Variants in DNAH7 observed in about 807,000 individuals in gnomAD.
The protein encoded by DNAH7 is axonemal beta dynein heavy chain 7.
DNAH7 carries 397 observed loss-of-function variants against 444.6 expected under a neutral mutation model. That is an observed-to-expected ratio of 0.89 (90% confidence interval 0.82 to 0.97). DNAH7 has a LOEUF of 0.97. DNAH7 is among the 50% of genes least tolerant of loss of function. The probability of loss-of-function intolerance (pLI) is 0.00; values close to 1 mark genes in which losing one functional copy is unlikely to be tolerated. For synonymous variants in DNAH7, 1,636 were observed against 1,624.4 expected, an observed-to-expected ratio of 1.01 and a Z score of -0.17; for missense variants, 4,902 against 4,800.8, an observed-to-expected ratio of 1.02 and a Z score of -0.62.
intron 63 of DNAH7, among the ~76,000 whole-genome samples, chr2:195,753,849 A>G (rs1693934196): frequency 6.6e-6 from 1 of 152,198 alleles, no homozygotes; most frequent in Non-Finnish European, 1.5e-5. Flanking sequence ...GTTAAGCTAT[A>G]GGTTTTGGAA....
At chr2:195,846,949 ATGTG>A (rs35075325) in intron 46 of DNAH7, among the ~76,000 whole-genome samples, 59 of 137,180 alleles carry the variant, frequency 4.3e-4, no homozygotes, top group Middle Eastern at 3.8e-3. Context: ...ACTCCCATAT[ATGTG>A]TGTGTGTGTG....
At chr2:195,998,931 C>A in intron 12 of DNAH7, 1 of 506,200 alleles carries the variant, frequency 2.0e-6, no homozygotes, top group East Asian at 3.0e-5. Context: ...TGAGAGAAAG[C>A]ATGAGTTGAA....
intron 29 of DNAH7, among the ~76,000 whole-genome samples, chr2:195,895,773 T>C (rs893799860): frequency 6.6e-6 from 1 of 152,204 alleles, no homozygotes; most frequent in Non-Finnish European, 1.5e-5. Context: ...TTATTTGCAT[T>C]GTCTAGACTT....
intron 21 of DNAH7, among the ~76,000 whole-genome samples, chr2:195,928,027 G>A (rs72917205): frequency 0.12 from 18,593 of 152,090 alleles, 1,511 homozygotes; most frequent in Middle Eastern, 0.27. Context: ...CACCAAGGTA[G>A]TGAGCATAGT....
chr2:195,844,719 T>C (rs867897983), intron 47 of DNAH7, among the ~76,000 whole-genome samples: 21 of 152,274 alleles, frequency 1.4e-4, no homozygotes, highest in Middle Eastern at 3.4e-3. Context: ...AAATGAAAAT[T>C]TTGGACTTCC....
intron 8 of DNAH7, among the ~76,000 whole-genome samples, chr2:196,020,196 T>C (rs1313228662): frequency 1.3e-5 from 2 of 152,172 alleles, no homozygotes; most frequent in Admixed American, 1.3e-4. Flanking sequence ...GCTGTTTATG[T>C]TATCAGTAAG....
intron 24 of DNAH7, among the ~76,000 whole-genome samples, chr2:195,921,270 C>T (rs1688004364): frequency 6.6e-6 from 1 of 151,868 alleles, no homozygotes; most frequent in African/African-American, 2.4e-5. Context: ...CAAATGTTTA[C>T]AGTAGCACAA....
chr2:195,876,705 T>C lies in DNAH7; in HGVS notation c.5962-6A>G, dbSNP rs1701083408. 2.0e-6 allele frequency: 3 copies of C among 1,525,598 alleles called. No individual in the cohort carries two copies. Among genetic ancestry groups the C allele is most frequent in the Non-Finnish European group, 1.8e-6 (2 of 1,111,446 alleles). 94.5% of individuals were successfully genotyped at this position (1,525,598 alleles called of 1,614,324 possible). A position where few individuals can be genotyped will look rare whatever the true frequency, so the allele number is the denominator to read the frequency against. The stretch of plus-strand genomic sequence containing the variant: ...AGTTGATTTAAAAGAAAATTCTATA[T>C]AACAAAATAATAAAATGAGCCATAG... On this transcript the variant is annotated splice_polypyrimidine_tract_variant and splice_region_variant and intron_variant, in intron 36 of 64. Coordinates refer to ENST00000312428, the MANE Select transcript of DNAH7 (RefSeq NM_018897.3).
intron 59 of DNAH7, 81 bp from the exon 60 acceptor site, chr2:195,776,064 C>T: frequency 6.5e-7 from 1 of 1,539,322 alleles, no homozygotes; most frequent in Non-Finnish European, 8.8e-7. Flanking sequence ...AGGCAGTTTT[C>T]AATACTCAAG....
intron 49 of DNAH7, among the ~76,000 whole-genome samples, chr2:195,821,160 T>TA (rs35044943): frequency 0.067 from 9,484 of 141,238 alleles, 404 homozygotes; most frequent in African/African-American, 0.13. Flanking sequence ...GTGGGAAGGT[T>TA]AAAAAAAAAA....
chr2:195,999,281 T>G (rs1355152364), intron 12 of DNAH7: 1 of 708,016 alleles, frequency 1.4e-6, no homozygotes, highest in East Asian at 2.7e-5. Flanking sequence ...GCCTTAAGAA[T>G]TTGTAACCAC....
rs536249506 is a variant in DNAH7 at position 196,014,726 on chromosome 2, T to C, written c.870-1820A>G. On this transcript the variant is annotated intron_variant, in intron 9 of 64. Transcript: ENST00000312428. Reference sequence around the variant, plus strand: ...TTTCCCACAGAAATTCCACTCGAAGTATCTACATTTCTTGGTTGTCCCATG... The same window carrying C: ...TTTCCCACAGAAATTCCACTCGAAGCATCTACATTTCTTGGTTGTCCCATG... Among the ~76,000 whole-genome samples the C allele has an allele frequency of 1.6e-4, 25 of 152,300 alleles. 1 individual carries two copies. The highest frequency in any genetic ancestry group is 3.4e-3 in the Middle Eastern group (1 of 294).
At chr2:195,924,091 T>C (rs918117824) in intron 22 of DNAH7, among the ~76,000 whole-genome samples, 7 of 152,212 alleles carry the variant, frequency 4.6e-5, no homozygotes, top group African/African-American at 1.7e-4. Context: ...GTCAATCATA[T>C]TGCCCACTCT....
At chr2:195,806,607 T>A (rs1244256911) in intron 54 of DNAH7, 133 bp downstream of exon 54, 2 of 605,786 alleles carry the variant, frequency 3.3e-6, no homozygotes, top group African/African-American at 3.8e-5. Flanking sequence ...ATGTCTGCAT[T>A]AGAAAGAAGT....
At chr2:196,034,347 C>CA (rs1696250181) in intron 5 of DNAH7, among the ~76,000 whole-genome samples, 1 of 152,058 alleles carries the variant, frequency 6.6e-6, no homozygotes, top group Non-Finnish European at 1.5e-5. Context: ...GATTTCTACA[C>CA]AAAAATGTAT....
At chr2:196,018,614 CA>C (rs1695168534) in intron 9 of DNAH7, among the ~76,000 whole-genome samples, 1 of 151,908 alleles carries the variant, frequency 6.6e-6, no homozygotes, top group Non-Finnish European at 1.5e-5. Context: ...ATAATTAAAA[CA>C]AATAAAGCAG....
rs1574439582 is a variant in DNAH7, at chr2:195,791,040, G to C, written c.10716+3298C>G. 2.0e-5 allele frequency among the ~76,000 whole-genome samples: 3 copies of C among 152,206 alleles called. No homozygotes were observed. In the South Asian group the frequency reaches 6.2e-4, roughly 32 times the overall value. ...TTAAAATGGGCAGAAGACATGAACA[G>C]ACACTTCTTAAAAGAAGACTTACAA... is the stretch of plus-strand genomic sequence containing the variant. On this transcript the variant is annotated intron_variant, in intron 57 of 64. Transcript: ENST00000312428.
chr2:195,796,786 A>C (rs771576381), intron 55 of DNAH7, 49 bp from the exon 56 acceptor site: 10 of 1,552,994 alleles, frequency 6.4e-6, no homozygotes, highest in Admixed American at 5.8e-5. Flanking sequence ...ATTTTAAGAA[A>C]CATCAATATT....
At position 195,884,789 on chromosome 2, in the gene DNAH7, C is replaced by CA; in HGVS notation, c.5558dup (p.Leu1853PhefsTer12). 1 of 1,612,390 alleles carries CA rather than the reference C, an allele frequency of 6.2e-7. No homozygotes were observed. The highest frequency in any genetic ancestry group is 8.5e-7 in the Non-Finnish European group (1 of 1,179,388). On this transcript the variant is annotated frameshift_variant, in exon 35 of 65. Transcript: ENST00000312428. LOFTEE classifies it high-confidence loss of function. ...TACAAGAAGCACCAACGGACCAGAT[C>CA]AATGAAAACAGAAAAATGCCCTGCA...
Sources: gnomAD v4.1 joint callset for allele counts (sites outside exome capture counted in the v4.1 genomes callset) on GRCh38, gnomAD v4.1.1 for gene constraint, MANE v1.5 for transcripts, NCBI Gene and HGNC (gene_info 2026-07-23, HGNC 2026-07-21) for gene names.